The following CRTC3 variants were observed in gnomAD, a reference collection of about 807,000 sequenced individuals.
CRTC3 encodes the protein CREB regulated transcription coactivator 3.
Under a neutral mutation model 74.5 loss-of-function variants are expected in CRTC3, and 26 were observed. The ratio of observed to expected loss-of-function variants is 0.35; its 90% confidence interval spans 0.26 to 0.48. CRTC3 has a LOEUF of 0.48. Ranked by LOEUF, CRTC3 falls within the 20% of genes least tolerant of loss-of-function variation. CRTC3 has a pLI of 0.99. For synonymous variants in CRTC3, 377 were observed against 325.8 expected (o/e 1.16, Z -1.69); for missense variants, 760 against 787.3 (o/e 0.97, Z 0.41).
chr15:90,598,511 T>C, intron 3 of CRTC3: 4 of 702,670 alleles, frequency 5.7e-6, no homozygotes, highest in Non-Finnish European at 1.0e-5. Context: ...GAGGAAGATT[T>C]TCCTGCACAG....
intron 2 of CRTC3, among the ~76,000 whole-genome samples, chr15:90,577,785 C>T (rs889966513): frequency 2.6e-5 from 4 of 152,148 alleles, no homozygotes; most frequent in African/African-American, 7.2e-5. Context: ...AGACAAATAT[C>T]GCATGTTCTC....
chr15:90,533,793 C>G (rs1249966194), intron 1 of CRTC3, among the ~76,000 whole-genome samples: 1 of 152,124 alleles, frequency 6.6e-6, no homozygotes, highest in Non-Finnish European at 1.5e-5. Context: ...GTAGGTGGAG[C>G]TCTGGACCTG....
chr15:90,574,165 T>G (rs1319123732), intron 2 of CRTC3, among the ~76,000 whole-genome samples: 1 of 152,102 alleles, frequency 6.6e-6, no homozygotes, highest in Admixed American at 6.6e-5. Context: ...TTTAAGTAAT[T>G]TACAGATTTT....
rs567136673 is a variant in CRTC3 at position 90,626,262 on chromosome 15, G to A, written c.967+269G>A. On this transcript the variant is annotated intron_variant, in intron 10 of 14. Coordinates refer to ENST00000268184, the MANE Select transcript of CRTC3 (RefSeq NM_022769.5). The stretch of plus-strand genomic sequence containing the variant: ...CAGGGACTTGGGGAATAAGATATGG[G>A]AGCCAAGAAATAAGCATCCACTCCG... 3.9e-5 allele frequency among the ~76,000 whole-genome samples: 6 copies of A among 152,292 alleles called. No homozygotes were observed. In the East Asian group the frequency reaches 1.2e-3, roughly 29 times the overall value.
intron 13 of CRTC3, among the ~76,000 whole-genome samples, chr15:90,640,846 T>C (rs748471037): frequency 2.7e-4 from 41 of 152,140 alleles, no homozygotes; most frequent in Non-Finnish European, 4.9e-4. Context: ...TCTCTTGGGA[T>C]GGTGTAGTGG....
At chr15:90,623,381 G>A (rs5011651) in intron 9 of CRTC3, among the ~76,000 whole-genome samples, 105,987 of 151,478 alleles carry the variant, frequency 0.7, 37,466 homozygotes, top group Middle Eastern at 0.78. Flanking sequence ...CTAGTGAGCA[G>A]AAACTCAAAG....
At chr15:90,621,773 T>C (rs549680158) in intron 9 of CRTC3, among the ~76,000 whole-genome samples, 1 of 152,194 alleles carries the variant, frequency 6.6e-6, no homozygotes, top group Non-Finnish European at 1.5e-5. Flanking sequence ...AGGTGTTTCT[T>C]AGGTAGAGAA....
chr15:90,578,236 G>C (rs1967452761), intron 2 of CRTC3, among the ~76,000 whole-genome samples: 1 of 152,046 alleles, frequency 6.6e-6, no homozygotes, highest in African/African-American at 2.4e-5. Flanking sequence ...TATTACCACT[G>C]AACTGTACAT....
intron 2 of CRTC3, among the ~76,000 whole-genome samples, chr15:90,554,505 G>A (rs1280514535): frequency 6.6e-6 from 1 of 152,104 alleles, no homozygotes; most frequent in East Asian, 1.9e-4. Flanking sequence ...GACCAGCCAA[G>A]GTATTTCCTC....
chr15:90,585,062 C>T (rs575413768), intron 2 of CRTC3, among the ~76,000 whole-genome samples: 15 of 152,198 alleles, frequency 9.9e-5, no homozygotes, highest in Non-Finnish European at 1.9e-4. Context: ...GGTGTCTTAG[C>T]AAGACTGTTA....
intron 3 of CRTC3, chr15:90,593,987 A>G (rs1967860234): frequency 2.6e-6 from 1 of 387,878 alleles, no homozygotes; most frequent in South Asian, 6.9e-5. Context: ...ATGAAATAAC[A>G]ACAAAAACAA....
rs181724180 is a variant in CRTC3, at chr15:90,558,352, C to T, written c.231+18215C>T. On this transcript the variant is annotated intron_variant, in intron 2 of 14. Coordinates refer to ENST00000268184, the MANE Select transcript of CRTC3 (RefSeq NM_022769.5). Reference sequence around the variant, plus strand: ...CTGACTGATCCTTTTAAAATATGAGCCAGATTATCTCACTCCCCACAGTCC... The same window carrying T: ...CTGACTGATCCTTTTAAAATATGAGTCAGATTATCTCACTCCCCACAGTCC... 5.2e-3 allele frequency among the ~76,000 whole-genome samples: 784 copies of T among 152,188 alleles called. 2 individuals are homozygous for T. The highest frequency in any genetic ancestry group is 9.0e-3 in the Non-Finnish European group (613 of 68,006).
At chr15:90,628,867 C>A (rs4932358) in intron 10 of CRTC3, among the ~76,000 whole-genome samples, 34,854 of 151,876 alleles carry the variant, frequency 0.23, 4,376 homozygotes, top group African/African-American at 0.34. Context: ...AGAGACCTTC[C>A]GGGGCTCTAA....
intron 11 of CRTC3, among the ~76,000 whole-genome samples, chr15:90,634,285 G>T (rs570762511): frequency 6.6e-6 from 1 of 151,876 alleles, no homozygotes; most frequent in Non-Finnish European, 1.5e-5. Context: ...GCTAATTTTT[G>T]TAATTTTTAG....
intron 1 of CRTC3, among the ~76,000 whole-genome samples, chr15:90,533,015 G>A (rs1402725258): frequency 2.9e-5 from 4 of 137,640 alleles, no homozygotes; most frequent in Admixed American, 7.7e-5. Flanking sequence ...AACCCAGGAG[G>A]TGGAGGTTGC....
At chr15:90,559,180 C>T (rs976353877) in intron 2 of CRTC3, among the ~76,000 whole-genome samples, 1 of 152,152 alleles carries the variant, frequency 6.6e-6, no homozygotes, top group Admixed American at 6.5e-5. Flanking sequence ...GTATGAGTTC[C>T]ATAAATATTT....
intron 2 of CRTC3, among the ~76,000 whole-genome samples, chr15:90,580,451 G>A (rs1768920292): frequency 6.7e-6 from 1 of 149,730 alleles, no homozygotes; most frequent in African/African-American, 2.5e-5. Context: ...CCTGAGACGA[G>A]TCTTGCTCGC....
chr15:90,638,595 C>T lies in CRTC3; in HGVS notation c.1416C>T (p.Pro472=), dbSNP rs773920361. 5.6e-6 allele frequency: 9 copies of T among 1,613,170 alleles called. No homozygotes were observed. The highest frequency in any genetic ancestry group is 7.6e-6 in the Non-Finnish European group (9 of 1,179,990). Residue 472 remains proline (P), a synonymous_variant, in exon 12 of 15, where the codon CCC becomes CCT. Transcript: ENST00000268184. ...PRAPEAPAQQ[P]QAASSLPQSD... is the part of the protein sequence containing the mutation. ...CCCCTGAGGCCCCTGCCCAGCAGCC[C>T]CAGGCAGCCTCCTCACTGCCACAGT...
chr15:90,557,265 C>T (rs1332003625), intron 2 of CRTC3, among the ~76,000 whole-genome samples: 5 of 152,254 alleles, frequency 3.3e-5, no homozygotes, highest in African/African-American at 1.2e-4. Flanking sequence ...GGACCGCCTA[C>T]ACTGCCAGCA....
Sources: allele counts gnomAD v4.1 joint callset (sites outside exome capture counted in the v4.1 genomes callset), GRCh38; gene constraint gnomAD v4.1.1; transcripts MANE v1.5; gene names NCBI Gene and HGNC (gene_info 2026-07-23, HGNC 2026-07-21).